Variants in TFDP2 observed in about 807,000 individuals in gnomAD.
TFDP2 encodes transcription factor Dp-2 (E2F dimerization partner 2).
In TFDP2, 17 loss-of-function variants were observed where a neutral mutation model predicts 59.3. The observed-to-expected ratio is 0.29, with a 90% CI of 0.20 to 0.43. The LOEUF is 0.43. TFDP2 is among the 20% of genes least tolerant of loss of function. The pLI, the probability that TFDP2 is intolerant of heterozygous loss-of-function variation, is 1.00. For synonymous variants in TFDP2, 180 were observed against 194.7 expected (o/e 0.92, Z 0.63); for missense variants, 391 against 528.8 (o/e 0.74, Z 2.56).
chr3:142,089,231 T>C lies in TFDP2; in HGVS notation c.82+3830A>G, dbSNP rs1325318446. The stretch of plus-strand genomic sequence containing the variant: ...TTGTGCTTTCACCCTCTCTCCTCAG[T>C]AGAAAAAAAAAAAACATAAAGAACC... On this transcript the variant is annotated intron_variant, in intron 3 of 12. Transcript: ENST00000489671. Among the ~76,000 whole-genome samples the C allele has an allele frequency of 3.6e-5, 5 of 137,632 alleles. No homozygotes were observed. The East Asian group carries it at 1.0e-3, about 29-fold the overall frequency. 90.3% of individuals were successfully genotyped at this position (137,632 alleles called of 152,430 possible).
At chr3:142,001,990 G>GTTTT (rs140582209) in intron 4 of TFDP2, among the ~76,000 whole-genome samples, 2 of 116,782 alleles carry the variant, frequency 1.7e-5, no homozygotes, top group Non-Finnish European at 3.9e-5. Flanking sequence ...ACCATGCCTG[G>GTTTT]TTTTTTTTTT....
intron 3 of TFDP2, among the ~76,000 whole-genome samples, chr3:142,040,956 T>G (rs1019134587): frequency 3.9e-5 from 6 of 152,174 alleles, no homozygotes; most frequent in Non-Finnish European, 8.8e-5. Context: ...ATTGTGGGGT[T>G]TATAACTGTA....
chr3:141,999,737 C>CTT (rs1016787088), intron 4 of TFDP2, among the ~76,000 whole-genome samples: 18 of 140,202 alleles, frequency 1.3e-4, no homozygotes, highest in East Asian at 2.0e-4. Flanking sequence ...GCAAGAATTC[C>CTT]TTTTTTTTTT....
At chr3:142,111,857 G>C (rs941704002) in intron 1 of TFDP2, among the ~76,000 whole-genome samples, 2 of 152,178 alleles carry the variant, frequency 1.3e-5, no homozygotes, top group African/African-American at 4.8e-5. Context: ...CTTGCGCTCA[G>C]AAGTTTGAGA....
At chr3:142,135,771 AT>A (rs1560182072) in intron 1 of TFDP2, among the ~76,000 whole-genome samples, 1 of 152,086 alleles carries the variant, frequency 6.6e-6, no homozygotes, top group Non-Finnish European at 1.5e-5. Context: ...TCCATGGGGT[AT>A]ATGTGCCACA....
intron 1 of TFDP2, among the ~76,000 whole-genome samples, chr3:142,107,854 T>C (rs1037617390): frequency 1.3e-5 from 2 of 152,272 alleles, no homozygotes; most frequent in South Asian, 4.1e-4. Context: ...CAAGATATTA[T>C]AACAAAATGA....
At chr3:142,148,820 G>C (rs1003491418) in intron 1 of TFDP2, among the ~76,000 whole-genome samples, 1 of 152,218 alleles carries the variant, frequency 6.6e-6, no homozygotes, top group Non-Finnish European at 1.5e-5. Context: ...TGGACACAGA[G>C]GCCTGTGAGT....
chr3:142,084,956 T>C (rs1266624263), intron 3 of TFDP2, among the ~76,000 whole-genome samples: 2 of 152,186 alleles, frequency 1.3e-5, no homozygotes, highest in Admixed American at 1.3e-4. Flanking sequence ...AGACTCGCTC[T>C]GTCGCCCAGG....
At chr3:142,078,522 C>T (rs1422135964) in intron 3 of TFDP2, among the ~76,000 whole-genome samples, 1 of 152,166 alleles carries the variant, frequency 6.6e-6, no homozygotes, top group East Asian at 1.9e-4. Context: ...AGTTCTTATC[C>T]AAGACTACCA....
At position 141,969,076 on chromosome 3, in the gene TFDP2, G is replaced by GAT. The variant is rs558348584; in HGVS notation, c.732+995_732+996dup. On this transcript the variant is annotated intron_variant, in intron 9 of 12. Coordinates refer to ENST00000489671, the MANE Select transcript of TFDP2 (RefSeq NM_001178139.2). The stretch of plus-strand genomic sequence containing the variant: ...TAACATATATATCTCATATATATGA[G>GAT]ATATATATATATAACATATATATAT... 1.5e-3 allele frequency among the ~76,000 whole-genome samples: 89 copies of GAT among 58,456 alleles called. 5 individuals carry two copies. The highest frequency in any genetic ancestry group is 3.9e-3 in the African/African-American group (48 of 12,228). The allele number at this position is 58,456 out of a possible 152,430, so 38.3% of individuals were successfully genotyped here. A position where few individuals can be genotyped will look rare whatever the true frequency, so the allele number is the denominator to read the frequency against.
intron 3 of TFDP2, among the ~76,000 whole-genome samples, chr3:142,050,479 A>G (rs1311962972): frequency 6.6e-6 from 1 of 151,908 alleles, no homozygotes; most frequent in African/African-American, 2.4e-5. Flanking sequence ...GCGGATCACA[A>G]GGTCAGGAGA....
intron 3 of TFDP2, among the ~76,000 whole-genome samples, chr3:142,065,309 C>T (rs1364335288): frequency 1.3e-5 from 2 of 152,004 alleles, no homozygotes; most frequent in Non-Finnish European, 1.5e-5. Flanking sequence ...CAGGCACAGG[C>T]CACCATGCCT....
At position 142,149,504 on chromosome 3, in the gene TFDP2, T is replaced by G; in HGVS notation, c.-414A>C. 5.9e-5 allele frequency: 19 copies of G among 324,096 alleles called. No homozygotes were observed. Among genetic ancestry groups the G allele is most frequent in the Non-Finnish European group, 7.3e-5 (13 of 178,954 alleles). The allele number at this position is 324,096 out of a possible 1,614,324, so 20.1% of individuals were successfully genotyped here. On this transcript the variant is annotated 5_prime_UTR_variant, in exon 1 of 13. Coordinates refer to ENST00000489671, the MANE Select transcript of TFDP2 (RefSeq NM_001178139.2). ...TCTCCCTGCCCAGCTACAGCCCCGC[T>G]TCCCCCGCGCGAGCTTTGGCGGCGG...
At chr3:142,119,777 G>A (rs146940527) in intron 1 of TFDP2, among the ~76,000 whole-genome samples, 6,268 of 152,272 alleles carry the variant, frequency 0.041, 421 homozygotes, top group African/African-American at 0.14. Context: ...GAGACCGGGT[G>A]CAGCGGCTCA....
chr3:142,093,962 C>G (rs747293086), intron 2 of TFDP2: 1 of 511,996 alleles, frequency 2.0e-6, no homozygotes, highest in Non-Finnish European at 3.9e-6. Context: ...ACGTTACTGT[C>G]AGTATTATAC....
chr3:141,970,049 A>G (rs773765525), intron 9 of TFDP2, 24 bp downstream of exon 9: 20 of 1,609,184 alleles, frequency 1.2e-5, no homozygotes, highest in Non-Finnish European at 1.6e-5. Flanking sequence ...AGGGAAGGTA[A>G]TGAAAACATC....
chr3:141,956,951 A>T (rs1479044128), intron 11 of TFDP2, among the ~76,000 whole-genome samples: 1 of 63,920 alleles, frequency 1.6e-5, no homozygotes, highest in Non-Finnish European at 3.1e-5. Context: ...CCCCCCCCAC[A>T]AAAATCACAG....
Position 141,962,378 on chromosome 3 carries a change from A to T in TFDP2, c.884+1434T>A, listed in dbSNP as rs148205875. The stretch of plus-strand genomic sequence containing the variant: ...TGTTTTTTTCTTTTTTCTTTTTTCG[A>T]GACAGAGTCTTGCTCTGTCGTCCAG... On this transcript the variant is annotated intron_variant, in intron 10 of 12. Coordinates refer to ENST00000489671, the MANE Select transcript of TFDP2 (RefSeq NM_001178139.2). Among the ~76,000 whole-genome samples, 116 of 151,074 alleles carry T rather than the reference A, an allele frequency of 7.7e-4. 1 individual carries two copies. The highest frequency in any genetic ancestry group is 2.7e-3 in the African/African-American group (112 of 41,108).
intron 9 of TFDP2, among the ~76,000 whole-genome samples, chr3:141,967,402 C>A (rs1242284346): frequency 2.0e-5 from 3 of 150,882 alleles, no homozygotes; most frequent in Non-Finnish European, 4.4e-5. Context: ...AAGAGATTAT[C>A]CTGCCTTAGC....
Sources: gnomAD v4.1 joint callset for allele counts (sites outside exome capture counted in the v4.1 genomes callset) on GRCh38, gnomAD v4.1.1 for gene constraint, MANE v1.5 for transcripts, NCBI Gene and HGNC (gene_info 2026-07-23, HGNC 2026-07-21) for gene names.